Variants in CLK4 observed in about 807,000 individuals in gnomAD.
The protein encoded by CLK4 is dual specificity protein kinase CLK4.
A neutral mutation model predicts 64.4 loss-of-function variants in CLK4; 37 were observed. The observed-to-expected ratio is 0.57, with a 90% CI of 0.44 to 0.76. The LOEUF (loss-of-function observed/expected upper bound fraction) is 0.76. CLK4 is among the 30% of genes least tolerant of loss of function. The pLI is 0.00. For synonymous variants in CLK4, 175 were observed against 191.6 expected (o/e 0.91, Z 0.72); for missense variants, 457 against 605.1 (o/e 0.76, Z 2.57).
chr5:178,609,473 C>G (rs938275498), intron 9 of CLK4, among the ~76,000 whole-genome samples: 11 of 151,518 alleles, frequency 7.3e-5, no homozygotes, highest in East Asian at 2.0e-4. Flanking sequence ...ACCAGGTTGG[C>G]AGTTCGAGAC....
At chr5:178,606,454 G>C (rs958346463) in intron 10 of CLK4, among the ~76,000 whole-genome samples, 1 of 152,034 alleles carries the variant, frequency 6.6e-6, no homozygotes, top group Admixed American at 6.6e-5. Context: ...GGTGCCCCAC[G>C]AACAGGGAAT....
At chr5:178,625,209 G>A (rs778434734) in intron 1 of CLK4, among the ~76,000 whole-genome samples, 1 of 152,012 alleles carries the variant, frequency 6.6e-6, no homozygotes, top group Non-Finnish European at 1.5e-5. Flanking sequence ...ACGCAGTGGC[G>A]CCTCATCCCT....
At chr5:178,624,873 T>C (rs1443027053) in intron 1 of CLK4, among the ~76,000 whole-genome samples, 1 of 152,222 alleles carries the variant, frequency 6.6e-6, no homozygotes, top group Non-Finnish European at 1.5e-5. Flanking sequence ...CAAGAAAGTA[T>C]GTGTCACGCC....
intron 2 of CLK4, chr5:178,620,091 G>T: frequency 3.2e-6 from 1 of 310,558 alleles, no homozygotes; most frequent in Non-Finnish European, 6.6e-6. Context: ...ACCCAATAGG[G>T]CTAGCATCAA....
Position 178,618,541 on chromosome 5 carries a change from C to T in CLK4, c.384+15G>A. The T allele has an allele frequency of 6.3e-7, 1 of 1,590,360 alleles. No individual in the cohort carries two copies. Among genetic ancestry groups the T allele is most frequent in the Non-Finnish European group, 8.6e-7 (1 of 1,164,000 alleles). On this transcript the variant is annotated intron_variant, in intron 3 of 12. Transcript: ENST00000316308. ...AATAAAACTCCACTCAAATTGAAAA[C>T]AAAACCAATCATACCGAACGTGACT...
chr5:178,608,025 G>A (rs949748324), intron 10 of CLK4, among the ~76,000 whole-genome samples: 5 of 152,132 alleles, frequency 3.3e-5, no homozygotes, highest in Admixed American at 3.3e-4. Context: ...AAAGGAATAA[G>A]TGACTCGTTC....
At chr5:178,625,410 G>A (rs1764764724) in intron 1 of CLK4, among the ~76,000 whole-genome samples, 1 of 135,068 alleles carries the variant, frequency 7.4e-6, no homozygotes, top group South Asian at 2.5e-4. Context: ...GGGCGACAGT[G>A]AGACCCTGTC....
chr5:178,626,624 G>A (rs556168854), intron 1 of CLK4, among the ~76,000 whole-genome samples: 1 of 152,340 alleles, frequency 6.6e-6, no homozygotes, highest in South Asian at 2.1e-4. Context: ...CTCCCGACAG[G>A]TCCTAGCGCC....
intron 1 of CLK4, among the ~76,000 whole-genome samples, chr5:178,626,085 T>C (rs1476457590): frequency 6.6e-6 from 1 of 152,206 alleles, no homozygotes; most frequent in Non-Finnish European, 1.5e-5. Context: ...TTACGCTACG[T>C]ACATGGCTTA....
At chr5:178,619,505 A>C (rs900972103) in intron 2 of CLK4, among the ~76,000 whole-genome samples, 1 of 152,208 alleles carries the variant, frequency 6.6e-6, no homozygotes, top group African/African-American at 2.4e-5. Context: ...CCCTAAAATA[A>C]GAAAGGGATC....
intron 9 of CLK4, among the ~76,000 whole-genome samples, chr5:178,609,510 G>A (rs1421002809): frequency 1.3e-5 from 2 of 151,658 alleles, no homozygotes; most frequent in Non-Finnish European, 1.5e-5. Context: ...GTGAAACCCC[G>A]TCTCTACTAA....
chr5:178,606,124 G>T (rs1764464550), intron 10 of CLK4, among the ~76,000 whole-genome samples: 1 of 151,962 alleles, frequency 6.6e-6, no homozygotes, highest in Admixed American at 6.6e-5. Context: ...ACATTTTAAA[G>T]AAATTCCTTA....
In CLK4 at chr5:178,616,881, C is replaced by T. The variant is rs1282454135; in HGVS notation, c.542+1G>A. 6.2e-7 allele frequency: 1 copy of T among 1,609,130 alleles called. No homozygotes were observed. The highest frequency in any genetic ancestry group is 1.3e-5 in the African/African-American group (1 of 74,810). On this transcript the variant is annotated splice_donor_variant, in intron 5 of 12. Coordinates refer to ENST00000316308, the MANE Select transcript of CLK4 (RefSeq NM_020666.3). LOFTEE classifies it high-confidence loss of function. ...GTTTGAAAAGGAAAAAACAAACTTA[C>T]ATGCCATGATCAATGCACTCTACAA... is the stretch of plus-strand genomic sequence containing the variant.
rs1764414798 is a variant in CLK4, at chr5:178,603,399, T to A, written c.*218A>T. On this transcript the variant is annotated 3_prime_UTR_variant, in exon 13 of 13. Coordinates refer to ENST00000316308, the MANE Select transcript of CLK4 (RefSeq NM_020666.3). Reference sequence around the variant, plus strand: ...TTTCAAAGGTATTTAAAAATGGTAATTTCAAAAAGAAAAATTAATTTTAAT... The same window carrying A: ...TTTCAAAGGTATTTAAAAATGGTAAATTCAAAAAGAAAAATTAATTTTAAT... The A allele has an allele frequency of 3.1e-6, 1 of 320,608 alleles. No homozygotes were observed. Among genetic ancestry groups the A allele is most frequent in the Non-Finnish European group, 5.6e-6 (1 of 178,912 alleles). The allele number at this position is 320,608 out of a possible 1,614,324, so 19.9% of individuals were successfully genotyped here. A position where few individuals can be genotyped will look rare whatever the true frequency, so the allele number is the denominator to read the frequency against.
Position 178,603,657 on chromosome 5 carries a change from G to A in CLK4, c.1406C>T (p.Ala469Val). Residue 469 changes from alanine to valine, a missense_variant, in exon 13 of 13, where the codon GCA becomes GTA. By Grantham distance (64) the Ala-to-Val change is moderately conservative. Coordinates refer to ENST00000316308, the MANE Select transcript of CLK4 (RefSeq NM_020666.3). ...TAAGTCAAAGAAAGGATGCTGCAAT[G>A]CTTCATCCAAGGTAATTCTTTGAGT... ...DPTQRITLDE[A>V]LQHPFFDLLK... 6.3e-7 allele frequency: 1 copy of A among 1,598,280 alleles called. No individual in the cohort carries two copies. Among genetic ancestry groups the A allele is most frequent in the South Asian group, 1.1e-5 (1 of 87,248 alleles).
At chr5:178,615,072 C>T (rs960274490) in intron 5 of CLK4, among the ~76,000 whole-genome samples, 2 of 152,098 alleles carry the variant, frequency 1.3e-5, no homozygotes, top group Non-Finnish European at 2.9e-5. Flanking sequence ...GTGTGCCACA[C>T]GTGACTACAG....
intron 9 of CLK4, among the ~76,000 whole-genome samples, chr5:178,609,796 C>G (rs1259150144): frequency 2.0e-5 from 3 of 147,230 alleles, no homozygotes; most frequent in African/African-American, 7.5e-5. Context: ...GTAATCCCAG[C>G]TACTCAGGAG....
intron 10 of CLK4, among the ~76,000 whole-genome samples, chr5:178,605,668 G>A (rs1186793975): frequency 6.6e-6 from 1 of 152,224 alleles, no homozygotes; most frequent in Non-Finnish European, 1.5e-5. Context: ...AGCTAGGTAT[G>A]TGGGAACATG....
intron 5 of CLK4, among the ~76,000 whole-genome samples, chr5:178,614,937 A>C (rs1237255898): frequency 1.3e-5 from 2 of 152,218 alleles, no homozygotes; most frequent in East Asian, 1.9e-4. Flanking sequence ...TATCCACGAA[A>C]ATGAAAAAAG....
Sources: gnomAD v4.1 joint callset for allele counts (sites outside exome capture counted in the v4.1 genomes callset) on GRCh38, gnomAD v4.1.1 for gene constraint, MANE v1.5 for transcripts, NCBI Gene and HGNC (gene_info 2026-07-23, HGNC 2026-07-21) for gene names.